CDH4: variants seen among roughly 807,000 people sequenced by gnomAD.
The protein encoded by CDH4 is cadherin-4.
A neutral mutation model predicts 86.0 loss-of-function variants in CDH4; 33 were observed. The observed-to-expected ratio is 0.38, with a 90% confidence interval of 0.29 to 0.51. CDH4 has a LOEUF of 0.51. Among genes scored for constraint, CDH4 ranks in the 20% least tolerant of loss-of-function variants. The pLI is 0.86. For synonymous variants in CDH4, 555 were observed against 549.4 expected (o/e 1.01, Z -0.14); for missense variants, 1,114 against 1,307.4 (o/e 0.85, Z 2.28).
At chr20:61,276,698 G>A (rs1194937706) in intron 2 of CDH4, among the ~76,000 whole-genome samples, 2 of 152,198 alleles carry the variant, frequency 1.3e-5, no homozygotes, top group Non-Finnish European at 2.9e-5. Flanking sequence ...GCCAAGAATG[G>A]TGGTCCTGGG....
intron 3 of CDH4, among the ~76,000 whole-genome samples, chr20:61,763,308 T>C (rs1194787045): frequency 6.6e-6 from 1 of 152,140 alleles, no homozygotes; most frequent in African/African-American, 2.4e-5. Context: ...CCACAACTAA[T>C]AACCCATGCT....
chr20:61,688,811 A>G (rs1240285114), intron 2 of CDH4, among the ~76,000 whole-genome samples: 1 of 152,268 alleles, frequency 6.6e-6, no homozygotes, highest in Admixed American at 6.5e-5. Flanking sequence ...AAGTAACATA[A>G]TGCAGAAAAA....
At chr20:61,827,602 T>C (rs1048576391) in intron 4 of CDH4, among the ~76,000 whole-genome samples, 1 of 152,196 alleles carries the variant, frequency 6.6e-6, no homozygotes, top group African/African-American at 2.4e-5. Flanking sequence ...CCTAGCTCTA[T>C]CCATTATAGA....
At chr20:61,910,103 C>T (rs374255970) in intron 8 of CDH4, among the ~76,000 whole-genome samples, 12 of 152,330 alleles carry the variant, frequency 7.9e-5, no homozygotes, top group East Asian at 7.7e-4. Context: ...GTGGCTGACA[C>T]GGTGTGTTCT....
intron 2 of CDH4, among the ~76,000 whole-genome samples, chr20:61,344,209 G>A (rs1271052879): frequency 6.6e-6 from 1 of 152,150 alleles, no homozygotes; most frequent in Non-Finnish European, 1.5e-5. Context: ...TGCGGGGGTT[G>A]ATACTGATGC....
intron 2 of CDH4, among the ~76,000 whole-genome samples, chr20:61,368,115 C>T (rs564964013): frequency 2.0e-5 from 3 of 152,252 alleles, no homozygotes; most frequent in East Asian, 1.9e-4. Context: ...ATGATCCGCC[C>T]GCCTCGGCCT....
At chr20:61,275,056 GTGTGCAGTTTGGGGGAGTACCA>G (rs1568777433) in intron 2 of CDH4, among the ~76,000 whole-genome samples, 1 of 134,280 alleles carries the variant, frequency 7.4e-6, no homozygotes, top group Non-Finnish European at 1.6e-5. Context: ...GGGGAGTACC[GTGTGCAGTTTGGGGGAGTACCA>G]TGTGTAGTTT....
chr20:61,577,188 A>G (rs2086388487), intron 2 of CDH4, among the ~76,000 whole-genome samples: 1 of 151,238 alleles, frequency 6.6e-6, no homozygotes, highest in African/African-American at 2.4e-5. Flanking sequence ...ATGTGTGTGT[A>G]CTGAAGGTTG....
chr20:61,732,422 C>T (rs2088202575), intron 2 of CDH4, among the ~76,000 whole-genome samples: 1 of 152,166 alleles, frequency 6.6e-6, no homozygotes, highest in Non-Finnish European at 1.5e-5. Flanking sequence ...AGCCCACAGG[C>T]ACTGCCCCAT....
At chr20:61,691,482 G>A (rs972091312) in intron 2 of CDH4, among the ~76,000 whole-genome samples, 7 of 152,064 alleles carry the variant, frequency 4.6e-5, no homozygotes, top group African/African-American at 1.7e-4. Flanking sequence ...GTGTGCATAC[G>A]TTATAGATGT....
chr20:61,744,531 G>C (rs2088389520), intron 3 of CDH4, among the ~76,000 whole-genome samples: 3 of 108,942 alleles, frequency 2.8e-5, no homozygotes, highest in African/African-American at 1.1e-4. Context: ...GAGAGGGAGA[G>C]AGAGAAGGAG....
intron 2 of CDH4, among the ~76,000 whole-genome samples, chr20:61,536,740 C>T (rs1331324213): frequency 1.3e-5 from 2 of 152,236 alleles, no homozygotes; most frequent in Non-Finnish European, 2.9e-5. Context: ...GAGACAGCTT[C>T]GGTTGCCCCG....
At chr20:61,276,045 C>T (rs2084229816) in intron 2 of CDH4, among the ~76,000 whole-genome samples, 1 of 152,186 alleles carries the variant, frequency 6.6e-6, no homozygotes, top group Admixed American at 6.5e-5. Context: ...TGCAGGAGCA[C>T]TGCAGAGCGG....
chr20:61,649,504 T>C (rs569472267), intron 2 of CDH4, among the ~76,000 whole-genome samples: 8 of 152,226 alleles, frequency 5.3e-5, no homozygotes, highest in Non-Finnish European at 1.0e-4. Context: ...CGCTTATCAG[T>C]TGTCATGAAA....
At chr20:61,687,857 A>G (rs16985450) in intron 2 of CDH4, among the ~76,000 whole-genome samples, 17,120 of 152,200 alleles carry the variant, frequency 0.11, 1,400 homozygotes, top group East Asian at 0.36. Context: ...GACTTAGCCT[A>G]CCTTAGACCA....
At chr20:61,931,978 C>T (rs1006369106) in intron 13 of CDH4, among the ~76,000 whole-genome samples, 19 of 152,086 alleles carry the variant, frequency 1.2e-4, no homozygotes, top group East Asian at 1.9e-4. Context: ...TTCTGTCCAG[C>T]GACGCCCTGG....
intron 2 of CDH4, among the ~76,000 whole-genome samples, chr20:61,502,992 A>T (rs1046307974): frequency 1.2e-4 from 19 of 152,200 alleles, no homozygotes; most frequent in Admixed American, 2.6e-4. Context: ...TTATGCCTAA[A>T]TGAATATTCT....
At chr20:61,741,427 T>G (rs2145939916) in intron 2 of CDH4, among the ~76,000 whole-genome samples, 1 of 152,296 alleles carries the variant, frequency 6.6e-6, no homozygotes, top group African/African-American at 2.4e-5. Context: ...CATTCAGACG[T>G]TGGTGGCCCA....
intron 2 of CDH4, among the ~76,000 whole-genome samples, chr20:61,372,546 A>T (rs2084846582): frequency 6.6e-6 from 1 of 152,222 alleles, no homozygotes; most frequent in African/African-American, 2.4e-5. Context: ...ATCCAGGAAA[A>T]GCTGGAGCCC....
Sources: allele counts gnomAD v4.1 joint callset (sites outside exome capture counted in the v4.1 genomes callset), GRCh38; gene constraint gnomAD v4.1.1; transcripts MANE v1.5; gene names NCBI Gene and HGNC (gene_info 2026-07-23, HGNC 2026-07-21).